TTLL11: variants seen among roughly 807,000 people sequenced by gnomAD.
TTLL11 encodes the protein tubulin tyrosine ligase like 11, also known as tubulin polyglutamylase TTLL11.
Under a neutral mutation model 51.7 loss-of-function variants are expected in TTLL11, and 42 were observed. The ratio of observed to expected loss-of-function variants is 0.81; its 90% CI spans 0.64 to 1.05. TTLL11 has a LOEUF of 1.05. TTLL11 is among the 50% of genes least tolerant of loss of function. The pLI is 0.00. For synonymous variants in TTLL11, 381 were observed against 383.5 expected (o/e 0.99, Z 0.08); for missense variants, 799 against 940.4 (o/e 0.85, Z 1.97).
intron 6 of TTLL11, among the ~76,000 whole-genome samples, chr9:121,904,928 A>T (rs1383445211): frequency 6.6e-6 from 1 of 152,164 alleles, no homozygotes; most frequent in East Asian, 1.9e-4. Context: ...TCATGTATGG[A>T]CGTCGATGCT....
chr9:121,855,073 C>CG lies in TTLL11; in HGVS notation c.1840+5263dup, dbSNP rs1177035229. Among the ~76,000 whole-genome samples, 24 of 152,120 alleles carry CG rather than the reference C, an allele frequency of 1.6e-4. No homozygotes were observed. The East Asian group carries it at 4.4e-3, about 28-fold the overall frequency. The stretch of plus-strand genomic sequence containing the variant: ...GGGAATGATGAACCCAGGGTGCAGA[C>CG]GGGGGGTTCCTTAGGTGGGGAGAGC... On this transcript the variant is annotated intron_variant, in intron 8 of 8. Transcript: ENST00000321582.
intron 1 of TTLL11, among the ~76,000 whole-genome samples, chr9:122,085,137 G>A (rs1348221235): frequency 5.9e-5 from 9 of 152,198 alleles, no homozygotes; most frequent in East Asian, 5.8e-4. Flanking sequence ...GTAGGCGCCT[G>A]TAGTCCCAGC....
chr9:121,909,712 A>G lies in TTLL11; in HGVS notation c.1482-38964T>C, dbSNP rs114666432. Among the ~76,000 whole-genome samples, 1,513 of 152,274 alleles carry G rather than the reference A, an allele frequency of 9.9e-3. 34 individuals carry two copies. The highest frequency in any genetic ancestry group is 0.034 in the African/African-American group (1,432 of 41,554). On this transcript the variant is annotated intron_variant, in intron 6 of 8. Coordinates refer to ENST00000321582, the MANE Select transcript of TTLL11 (RefSeq NM_001139442.2). ...TATATCTGGTGGAGGCATCATGCAC[A>G]CAGACAGCTCACTCAGTGCAAGGCA...
intron 6 of TTLL11, among the ~76,000 whole-genome samples, chr9:121,878,785 C>T (rs559959562): frequency 9.8e-5 from 15 of 152,330 alleles, no homozygotes; most frequent in Non-Finnish European, 1.2e-4. Flanking sequence ...GCATGGAGCG[C>T]GTGTCTTCGC....
At chr9:122,011,412 T>C (rs984166064) in intron 3 of TTLL11, among the ~76,000 whole-genome samples, 5 of 152,198 alleles carry the variant, frequency 3.3e-5, no homozygotes, top group African/African-American at 1.2e-4. Context: ...AAAAAAAGTA[T>C]ATAATGTATT....
intron 6 of TTLL11, among the ~76,000 whole-genome samples, chr9:121,919,767 C>G (rs1279223838): frequency 6.8e-6 from 1 of 147,250 alleles, no homozygotes; most frequent in Non-Finnish European, 1.5e-5. Flanking sequence ...ATCCCAGCAT[C>G]TTGGGAGTCT....
At chr9:121,865,210 C>T (rs1838141609) in intron 7 of TTLL11, among the ~76,000 whole-genome samples, 1 of 152,152 alleles carries the variant, frequency 6.6e-6, no homozygotes, top group Non-Finnish European at 1.5e-5. Flanking sequence ...CGCTCCTATT[C>T]TAGAACATTC....
chr9:121,870,343 A>G (rs752512317), intron 7 of TTLL11, among the ~76,000 whole-genome samples, 154 bp downstream of exon 7: 1 of 152,196 alleles, frequency 6.6e-6, no homozygotes, highest in Non-Finnish European at 1.5e-5. Context: ...AGATTCTACC[A>G]TGTGCCAGCC....
intron 8 of TTLL11, among the ~76,000 whole-genome samples, chr9:121,827,460 T>A (rs552326887): frequency 6.6e-6 from 1 of 152,126 alleles, no homozygotes; most frequent in Non-Finnish European, 1.5e-5. Flanking sequence ...CGACCCCAGC[T>A]CTGGGACTGG....
chr9:122,061,338 C>T (rs1272495585), intron 1 of TTLL11, among the ~76,000 whole-genome samples: 1 of 152,100 alleles, frequency 6.6e-6, no homozygotes, highest in Admixed American at 6.5e-5. Flanking sequence ...TGGGGGGGCA[C>T]AATTCAACCC....
At position 121,976,540 on chromosome 9, in the gene TTLL11, A is replaced by G. The variant is rs545606446; in HGVS notation, c.1270-1561T>C. On this transcript the variant is annotated intron_variant, in intron 4 of 8. Transcript: ENST00000321582. ...AATTAATGTGGAGAATAAAGAGAAA[A>G]AAGAAAAAGATAGGGTTGTAGACTC... Among the ~76,000 whole-genome samples the G allele has an allele frequency of 1.2e-4, 19 of 152,342 alleles. No homozygotes were observed. In the South Asian group the frequency reaches 3.5e-3, roughly 28 times the overall value.
chr9:122,068,969 G>A (rs1365479674), intron 1 of TTLL11, among the ~76,000 whole-genome samples: 1 of 152,198 alleles, frequency 6.6e-6, no homozygotes, highest in Non-Finnish European at 1.5e-5. Context: ...AGCCACAGAT[G>A]GACGGATCTT....
rs1564260522 is a variant in TTLL11 at position 121,826,535 on chromosome 9, G to GTA, written c.1841-3657_1841-3656insTA. ...TATATGTATATATATATATGTGTGTGTGTATATATATATATGTGTGTGTAT... is the reference window on the plus strand; with the variant it reads ...TATATGTATATATATATATGTGTGTGTATGTATATATATATATGTGTGTGTAT... On this transcript the variant is annotated intron_variant, in intron 8 of 8. Transcript: ENST00000321582. Among the ~76,000 whole-genome samples the GTA allele has an allele frequency of 4.2e-4, 15 of 35,538 alleles. No homozygotes were observed. In the East Asian group the frequency reaches 0.027, roughly 63 times the overall value. The allele number at this position is 35,538 out of a possible 152,430, so 23.3% of individuals were successfully genotyped here. A position where few individuals can be genotyped will look rare whatever the true frequency, so the allele number is the denominator to read the frequency against.
intron 3 of TTLL11, among the ~76,000 whole-genome samples, chr9:122,029,641 A>T (rs987755157): frequency 1.8e-4 from 27 of 152,376 alleles, no homozygotes; most frequent in Middle Eastern, 3.4e-3. Context: ...AAAGGTTTTT[A>T]AAAAATAAAA....
At chr9:122,020,546 T>C (rs1386431168) in intron 3 of TTLL11, among the ~76,000 whole-genome samples, 5 of 152,258 alleles carry the variant, frequency 3.3e-5, no homozygotes, top group East Asian at 1.9e-4. Context: ...CTATGAATAA[T>C]AGAAGAATCC....
In TTLL11 at chr9:121,822,961, T is replaced by C. The variant is rs139918556; in HGVS notation, c.1841-82A>G. On this transcript the variant is annotated intron_variant, in intron 8 of 8. Transcript: ENST00000321582. This position sits in a 1 kb window ranked among gnomAD's most constrained non-coding sequence, Gnocchi z 5.8. Reference sequence around the variant, plus strand: ...GAAGGCCCACCTCCAGCCACAAGGATGTCAGCAAGAGCTAGCCCCGCTCCC... The same window carrying C: ...GAAGGCCCACCTCCAGCCACAAGGACGTCAGCAAGAGCTAGCCCCGCTCCC... 2 of 1,427,192 alleles carry C rather than the reference T, an allele frequency of 1.4e-6. No homozygotes were observed. The highest frequency in any genetic ancestry group is 5.2e-5 in the Admixed American group (2 of 38,376). 88.4% of individuals were successfully genotyped at this position (1,427,192 alleles called of 1,614,324 possible).
At chr9:122,040,347 A>T (rs748169706) in intron 1 of TTLL11, 1 of 985,178 alleles carries the variant, frequency 1.0e-6, no homozygotes, top group South Asian at 4.7e-5. Context: ...TAGAGTTTCA[A>T]TTATTTGAAG....
chr9:121,832,905 A>C (rs1051553668), intron 8 of TTLL11, among the ~76,000 whole-genome samples: 41 of 152,206 alleles, frequency 2.7e-4, no homozygotes, highest in African/African-American at 9.9e-4. Flanking sequence ...GCATCAGTGC[A>C]CTCCAGCCTG....
At position 122,093,023 on chromosome 9, in the gene TTLL11, G is replaced by A; in HGVS notation, c.126C>T (p.Arg42=). The A allele has an allele frequency of 6.5e-7, 1 of 1,532,052 alleles. No individual in the cohort carries two copies. The highest frequency in any genetic ancestry group is 8.7e-7 in the Non-Finnish European group (1 of 1,147,388). 94.9% of individuals were successfully genotyped at this position (1,532,052 alleles called of 1,614,324 possible). The change falls in exon 1 of 9, where the codon CGC becomes CGT. Residue 42 remains arginine, a synonymous_variant. Coordinates refer to ENST00000321582, the MANE Select transcript of TTLL11 (RefSeq NM_001139442.2). ...GTTCCCCGGCCGCGCCCGCGTCCAC[G>A]CGGACCTGTTCCGCCACCGTCTCCG... ...ATAETVAEQV[R]VDAGAAGEPE...
Sources: allele counts gnomAD v4.1 joint callset (sites outside exome capture counted in the v4.1 genomes callset), GRCh38; gene constraint gnomAD v4.1.1; non-coding constraint Gnocchi (gnomAD v3.1); transcripts MANE v1.5; gene names NCBI Gene and HGNC (gene_info 2026-07-23, HGNC 2026-07-21).